Variants in PARD3 observed in about 807,000 individuals in gnomAD.
PARD3 encodes partitioning defective 3 homolog.
In PARD3, 75 loss-of-function variants were observed where a neutral mutation model predicts 155.4. The ratio of observed to expected loss-of-function variants is 0.48; its 90% CI spans 0.40 to 0.58. PARD3 has a LOEUF of 0.58. Among genes scored for constraint, PARD3 ranks in the 20% least tolerant of loss-of-function variants. The probability of loss-of-function intolerance (pLI) is 0.00; values close to 1 mark genes in which losing one functional copy is unlikely to be tolerated. For missense variants in PARD3, 1,642 were observed against 1,721.7 expected (o/e 0.95, Z 0.82); for synonymous variants, 576 against 610.5 (o/e 0.94, Z 0.83).
chr10:34,783,828 T>A (rs1388750964), intron 1 of PARD3, among the ~76,000 whole-genome samples: 1 of 152,098 alleles, frequency 6.6e-6, no homozygotes, highest in African/African-American at 2.4e-5. Flanking sequence ...TTCTAACTAC[T>A]TGGAACTAGA....
At chr10:34,754,394 T>C (rs1052963861) in intron 1 of PARD3, among the ~76,000 whole-genome samples, 7 of 152,202 alleles carry the variant, frequency 4.6e-5, no homozygotes, top group Non-Finnish European at 1.0e-4. Context: ...AAGTCATAAG[T>C]AGCTCTTTCT....
rs761089510 is a variant in PARD3, at chr10:34,399,231, T to C, written c.890+99A>G. On this transcript the variant is annotated intron_variant, in intron 7 of 24. Coordinates refer to ENST00000374788, the MANE Select transcript of PARD3 (RefSeq NM_001184785.2). The stretch of plus-strand genomic sequence containing the variant: ...TGCCTCCAAATGAGAATGTTTCCTA[T>C]TAAGCATATGCTAAGTCAACACCAC... The C allele has an allele frequency of 8.5e-4, 666 of 780,400 alleles. 3 individuals are homozygous for C. The highest frequency in any genetic ancestry group is 1.0e-3 in the Non-Finnish European group (464 of 442,784). 48.3% of individuals were successfully genotyped at this position (780,400 alleles called of 1,614,324 possible).
intron 5 of PARD3, among the ~76,000 whole-genome samples, chr10:34,445,000 C>T (rs188564230): frequency 6.6e-6 from 1 of 151,930 alleles, no homozygotes; most frequent in East Asian, 1.9e-4. Flanking sequence ...CCAGACCACA[C>T]GACTAAAGGA....
In PARD3 at chr10:34,401,887, G is replaced by A. The variant is rs752134259; in HGVS notation, c.745C>T (p.Arg249Cys). 23 of 1,613,588 alleles carry A rather than the reference G, an allele frequency of 1.4e-5. No homozygotes were observed. In the East Asian group the frequency reaches 1.8e-4, roughly 13 times the overall value. ...DEDGTEEDNS[R>C]VEPVGHADTG... Reference sequence around the variant, plus strand: ...TCAGCATGTCCAACAGGTTCAACACGACTGTTATCCTCTTCTGTCCCATCC... The same window carrying A: ...TCAGCATGTCCAACAGGTTCAACACAACTGTTATCCTCTTCTGTCCCATCC... The change falls in exon 6 of 25, where the codon CGT becomes TGT. Residue 249 changes from arginine (R) to cysteine (C), a missense_variant. Arg to Cys is a radical substitution (Grantham distance 180). Transcript: ENST00000374788.
At position 34,382,708 on chromosome 10, in the gene PARD3, G is replaced by T. The variant is rs1460969271; in HGVS notation, c.1231C>A (p.Pro411Thr). The change falls in exon 9 of 25, where the codon CCG becomes ACG. Residue 411 changes from proline to threonine, a missense_variant. By Grantham distance (38) the Pro-to-Thr change is conservative. Around this residue, in one of 3 missense-constraint regions of PARD3, gnomAD observed 1,529 missense variants for 1,587.3 expected, o/e 0.96. Transcript: ENST00000374788. ...TVQRAPRLNH[P>T]PEQIDSHSRL... is the part of the protein sequence containing the mutation. The stretch of plus-strand genomic sequence containing the variant: ...GAGTGAGAGTCTATCTGCTCAGGCG[G>T]GTGGTTCAGTCGGGGTGCTCTCTGC... 1 of 1,614,058 alleles carries T rather than the reference G, an allele frequency of 6.2e-7. No individual in the cohort carries two copies. Among genetic ancestry groups the T allele is most frequent in the Non-Finnish European group, 8.5e-7 (1 of 1,180,036 alleles).
intron 2 of PARD3, among the ~76,000 whole-genome samples, chr10:34,552,610 A>T (rs2084673513): frequency 6.6e-6 from 1 of 152,166 alleles, no homozygotes; most frequent in Admixed American, 6.5e-5. Flanking sequence ...GCTATTCAGG[A>T]GGCTGAAGCA....
chr10:34,490,113 G>A lies in PARD3; in HGVS notation c.404-19850C>T, dbSNP rs113064689. 7.0e-3 allele frequency among the ~76,000 whole-genome samples: 1,068 copies of A among 152,128 alleles called. 12 individuals carry two copies. The highest frequency in any genetic ancestry group is 0.024 in the African/African-American group (1,012 of 41,474). ...ACATCTACCATCACTGCCATCACAC[G>A]GTAGGAGTGCAGTAAATGCACATTA... On this transcript the variant is annotated intron_variant, in intron 3 of 24. Transcript: ENST00000374788.
intron 2 of PARD3, among the ~76,000 whole-genome samples, chr10:34,616,335 T>TA (rs531783449): frequency 0.015 from 2,209 of 151,620 alleles, 52 homozygotes; most frequent in African/African-American, 0.05. Flanking sequence ...AAAAAAAAAT[T>TA]AAAAAAAGCA....
At chr10:34,354,136 A>C (rs1195036132) in intron 14 of PARD3, among the ~76,000 whole-genome samples, 1 of 151,494 alleles carries the variant, frequency 6.6e-6, no homozygotes, top group Admixed American at 6.6e-5. Flanking sequence ...TCTTCAAAAA[A>C]AAAAAACAAA....
intron 22 of PARD3, among the ~76,000 whole-genome samples, chr10:34,242,303 G>A (rs2133666593): frequency 6.6e-6 from 1 of 152,236 alleles, no homozygotes; most frequent in South Asian, 2.1e-4. Flanking sequence ...AAAGGCTACT[G>A]ATAATCAGGT....
intron 1 of PARD3, among the ~76,000 whole-genome samples, chr10:34,778,333 G>A (rs1021149536): frequency 1.3e-5 from 2 of 152,184 alleles, no homozygotes; most frequent in African/African-American, 4.8e-5. Context: ...ACAGAAATGA[G>A]GCAAAGGCTG....
intron 3 of PARD3, among the ~76,000 whole-genome samples, chr10:34,503,168 C>A (rs1443352220): frequency 6.6e-6 from 1 of 152,234 alleles, no homozygotes; most frequent in Non-Finnish European, 1.5e-5. Context: ...GCTATAACAT[C>A]TCTGCCAAGC....
At chr10:34,419,179 T>C (rs113354692) in intron 5 of PARD3, among the ~76,000 whole-genome samples, 14 of 152,226 alleles carry the variant, frequency 9.2e-5, no homozygotes, top group Admixed American at 2.6e-4. Flanking sequence ...AAATTATAAA[T>C]AAGAGCAAAG....
At chr10:34,611,154 G>A (rs1330265004) in intron 2 of PARD3, among the ~76,000 whole-genome samples, 1 of 152,064 alleles carries the variant, frequency 6.6e-6, no homozygotes, top group Non-Finnish European at 1.5e-5. Context: ...GCAGAATAAG[G>A]GCCAGTTTAT....
intron 2 of PARD3, among the ~76,000 whole-genome samples, chr10:34,622,911 G>T (rs2091773644): frequency 6.8e-6 from 1 of 147,842 alleles, no homozygotes; most frequent in Non-Finnish European, 1.5e-5. Flanking sequence ...TCACTATGAA[G>T]AGTGTAAAGT....
At chr10:34,704,538 G>T (rs1187486002) in intron 1 of PARD3, among the ~76,000 whole-genome samples, 1 of 152,032 alleles carries the variant, frequency 6.6e-6, no homozygotes, top group Non-Finnish European at 1.5e-5. Flanking sequence ...AGTGAAATAG[G>T]GTTAAACCTT....
intron 5 of PARD3, among the ~76,000 whole-genome samples, chr10:34,428,507 A>G (rs1460206737): frequency 1.3e-5 from 2 of 152,190 alleles, no homozygotes; most frequent in Non-Finnish European, 2.9e-5. Flanking sequence ...GAGGCCTAAA[A>G]TTATATAAAT....
Position 34,776,456 on chromosome 10 carries a change from G to A in PARD3, c.120+38420C>T, listed in dbSNP as rs528838850. Among the ~76,000 whole-genome samples, 36 of 152,242 alleles carry A rather than the reference G, an allele frequency of 2.4e-4. No individual in the cohort carries two copies. In the South Asian group the frequency reaches 6.8e-3, roughly 29 times the overall value. On this transcript the variant is annotated intron_variant, in intron 1 of 24. Coordinates refer to ENST00000374788, the MANE Select transcript of PARD3 (RefSeq NM_001184785.2). ...AACAGCAGATCTAAACACTTCAGGGGCCAGCACATGGCCAGGGAGGAAACA... is the reference window on the plus strand; with the variant it reads ...AACAGCAGATCTAAACACTTCAGGGACCAGCACATGGCCAGGGAGGAAACA...
intron 2 of PARD3, among the ~76,000 whole-genome samples, chr10:34,531,655 C>T (rs1347419629): frequency 1.3e-5 from 2 of 152,152 alleles, no homozygotes; most frequent in African/African-American, 4.8e-5. Context: ...ATGGTCCCTA[C>T]ACTGGATTCA....
Sources: allele counts gnomAD v4.1 joint callset (sites outside exome capture counted in the v4.1 genomes callset), GRCh38; gene constraint gnomAD v4.1.1; regional missense constraint gnomAD v4.1.1; transcripts MANE v1.5; gene names NCBI Gene and HGNC (gene_info 2026-07-23, HGNC 2026-07-21).